HK3: variants seen among roughly 807,000 people sequenced by gnomAD.
HK3 encodes hexokinase-3.
HK3 carries 93 observed loss-of-function variants against 91.0 expected under a neutral mutation model. That is an observed-to-expected ratio of 1.02 (90% CI 0.86 to 1.21). The LOEUF (loss-of-function observed/expected upper bound fraction) is 1.21. Ranked by LOEUF, HK3 falls within the 50% of genes most tolerant of loss-of-function variation. HK3 has a pLI of 0.00. For synonymous variants in HK3, 519 were observed against 516.9 expected (o/e 1.00, Z -0.06); for missense variants, 1,235 against 1,247.4 (o/e 0.99, Z 0.15).
chr5:176,894,345 C>T (rs1012535681), intron 2 of HK3, among the ~76,000 whole-genome samples: 1 of 152,140 alleles, frequency 6.6e-6, no homozygotes, highest in African/African-American at 2.4e-5. Context: ...GGTCCAGGAC[C>T]ATGGGAAATT....
At chr5:176,890,502 G>T in intron 6 of HK3, 133 bp downstream of exon 6, 1 of 761,698 alleles carries the variant, frequency 1.3e-6, no homozygotes, top group Non-Finnish European at 2.3e-6. Context: ...AGGTTAAACT[G>T]GATGGAGGTT....
chr5:176,889,734 AT>A lies in HK3; in HGVS notation c.640del (p.Ile214SerfsTer7). ...DAIRRQGAYNIDVVAVVNDTV... is the reference protein window; with the variant it reads ...DAIRRQGAYNXDVVAVVNDTV... Reference sequence around the variant, plus strand: ...GTCGTTCACCACAGCAACCACGTCGATGTTGTAGGCCTAGATGATGAAGAGG... The same window carrying A: ...GTCGTTCACCACAGCAACCACGTCGAGTTGTAGGCCTAGATGATGAAGAGG... On this transcript the variant is annotated frameshift_variant, in exon 7 of 19. Coordinates refer to ENST00000292432, the MANE Select transcript of HK3 (RefSeq NM_002115.3). LOFTEE classifies it high-confidence loss of function. The A allele has an allele frequency of 6.2e-7, 1 of 1,613,868 alleles. No homozygotes were observed. Among genetic ancestry groups the A allele is most frequent in the Non-Finnish European group, 8.5e-7 (1 of 1,179,926 alleles).
chr5:176,889,380 C>T lies in HK3; in HGVS notation c.914+1G>A. ...AAGGTCAGGGCCCCCTGCCAGGTCA[C>T]CTCTGAGCACCAGGATTCAGGGACT... On this transcript the variant is annotated splice_donor_variant, in intron 8 of 18. Transcript: ENST00000292432. LOFTEE classifies it high-confidence loss of function. 2 of 1,613,532 alleles carry T rather than the reference C, an allele frequency of 1.2e-6. No individual in the cohort carries two copies. The highest frequency in any genetic ancestry group is 1.7e-6 in the Non-Finnish European group (2 of 1,179,668).
chr5:176,881,286 G>T lies in HK3; in HGVS notation c.2627+16C>A. The T allele has an allele frequency of 1.2e-6, 2 of 1,613,288 alleles. No homozygotes were observed. The highest frequency in any genetic ancestry group is 8.5e-7 in the Non-Finnish European group (1 of 1,179,734). ...CTGGCCACACCTCCCTCCCCAGCCC[G>T]CACACCCAGACTCACCGCGGGTGCA... On this transcript the variant is annotated intron_variant, in intron 18 of 18. Transcript: ENST00000292432.
chr5:176,893,694 G>A lies in HK3; in HGVS notation c.97-2144C>T, dbSNP rs566651386. On this transcript the variant is annotated intron_variant, in intron 2 of 18. Coordinates refer to ENST00000292432, the MANE Select transcript of HK3 (RefSeq NM_002115.3). Reference sequence around the variant, plus strand: ...AGAGTCACGGAGAAGTCAATGGCTTGGGCAAATTGTTTTTCTTCCTTTTCC... The same window carrying A: ...AGAGTCACGGAGAAGTCAATGGCTTAGGCAAATTGTTTTTCTTCCTTTTCC... 1.1e-4 allele frequency among the ~76,000 whole-genome samples: 17 copies of A among 152,268 alleles called. No individual in the cohort carries two copies. In the South Asian group the frequency reaches 3.3e-3, roughly 30 times the overall value.
chr5:176,892,949 G>C (rs947682619), intron 2 of HK3, among the ~76,000 whole-genome samples: 56 of 152,208 alleles, frequency 3.7e-4, no homozygotes, highest in African/African-American at 1.3e-3. Context: ...CCTGCTAGGG[G>C]TGCCCATGCC....
At position 176,887,586 on chromosome 5, in the gene HK3, G is replaced by A. The variant is rs775508008; in HGVS notation, c.1465C>T (p.Pro489Ser). The A allele has an allele frequency of 2.2e-5, 36 of 1,613,754 alleles. No homozygotes were observed. Among genetic ancestry groups the A allele is most frequent in the Non-Finnish European group, 2.8e-5 (33 of 1,180,014 alleles). The change falls in exon 11 of 19, where the codon CCA becomes TCA. Residue 489 changes from proline (P) to serine (S), a missense_variant. By Grantham distance (74) the Pro-to-Ser change is moderately conservative. Coordinates refer to ENST00000292432, the MANE Select transcript of HK3 (RefSeq NM_002115.3). The surrounding 1 kb of genome is among the most constrained non-coding windows in gnomAD (Gnocchi z 4.9). ...AGTTGATCATGGTTCAACCGGAATG[G>A]GGCCAGGGTCTCCTCCAGCAGGCGC... Reference protein sequence around the residue: ...HRRLLEETLAPFRLNHDQLAA... With the variant: ...HRRLLEETLASFRLNHDQLAA...
chr5:176,887,819 C>T lies in HK3; in HGVS notation c.1305-73G>A. On this transcript the variant is annotated intron_variant, in intron 10 of 18. Coordinates refer to ENST00000292432, the MANE Select transcript of HK3 (RefSeq NM_002115.3). The surrounding 1 kb of genome is among the most constrained non-coding windows in gnomAD (Gnocchi z 4.9). ...ACACACAGGTGTGCACGGCTTGGCC[C>T]TGGACCCCCAGATACATACAGGTGT... The T allele has an allele frequency of 6.7e-7, 1 of 1,503,002 alleles. No individual in the cohort carries two copies. The highest frequency in any genetic ancestry group is 9.0e-7 in the Non-Finnish European group (1 of 1,109,826). 93.1% of individuals were successfully genotyped at this position (1,503,002 alleles called of 1,614,324 possible).
chr5:176,882,485 C>T lies in HK3; in HGVS notation c.2054-358G>A, dbSNP rs187395019. Among the ~76,000 whole-genome samples, 512 of 152,350 alleles carry T rather than the reference C, an allele frequency of 3.4e-3. 3 individuals carry two copies. The highest frequency in any genetic ancestry group is 0.021 in the South Asian group (103 of 4,832). On this transcript the variant is annotated intron_variant, in intron 15 of 18. Coordinates refer to ENST00000292432, the MANE Select transcript of HK3 (RefSeq NM_002115.3). ...GTTGAGAGGCCGAAGCTCCCTGGACCGGCCTGCCAGGCCCTTAATCCAACT... is the reference window on the plus strand; with the variant it reads ...GTTGAGAGGCCGAAGCTCCCTGGACTGGCCTGCCAGGCCCTTAATCCAACT...
Position 176,895,808 on chromosome 5 carries a change from C to A in HK3, c.96+256G>T, listed in dbSNP as rs537764740. Among the ~76,000 whole-genome samples, 684 of 152,332 alleles carry A rather than the reference C, an allele frequency of 4.5e-3. 3 individuals are homozygous for A. Among genetic ancestry groups the A allele is most frequent in the African/African-American group, 0.016 (658 of 41,570 alleles). On this transcript the variant is annotated intron_variant, in intron 2 of 18. Coordinates refer to ENST00000292432, the MANE Select transcript of HK3 (RefSeq NM_002115.3). The stretch of plus-strand genomic sequence containing the variant: ...AAATGACATGTTTGGAGCTGAAACA[C>A]CTCAGCTCAAGCTCCTGTCATGTCT...
chr5:176,887,111 T>C lies in HK3; in HGVS notation c.1748A>G (p.His583Arg). 4 of 1,614,218 alleles carry C rather than the reference T, an allele frequency of 2.5e-6. No individual in the cohort carries two copies. The highest frequency in any genetic ancestry group is 3.4e-6 in the Non-Finnish European group (4 of 1,180,034). Residue 583 changes from histidine to arginine, a missense_variant, in exon 13 of 19, where the codon CAC becomes CGC. Physicochemically the swap from His to Arg is conservative, Grantham distance 29. This residue lies in a region of HK3 where 513 missense variants were observed against 477.4 expected (regional missense o/e 1.07). Transcript: ENST00000292432. This position sits in a 1 kb window ranked among gnomAD's most constrained non-coding sequence, Gnocchi z 4.9. ...GAAGTCCACGATGCAGTCCACGATG[T>C]GGTCAAAGAGCTGTGGGGCAGGACA... ...AQGSGQQLFD[H>R]IVDCIVDFQQ...
Position 176,890,851 on chromosome 5 carries a change from A to G in HK3, c.505T>C (p.Phe169Leu), listed in dbSNP as rs1291142206. The G allele has an allele frequency of 3.1e-6, 5 of 1,614,026 alleles. No individual in the cohort carries two copies. The East Asian group carries it at 8.9e-5, about 29-fold the overall frequency. The change falls in exon 5 of 19, where the codon TTC becomes CTC. Residue 169 changes from phenylalanine to leucine, a missense_variant. This residue lies in a region of HK3 where 717 missense variants were observed against 751.6 expected (regional missense o/e 0.95). Transcript: ENST00000292432. ...QGLQLGFSFS[F>L]PCHQTGLDRS... ...TCCAAGCCCGTCTGGTGACAAGGGA[A>G]AGAGAAGCTGAAGCCAAGCTGCAGA...
intron 2 of HK3, among the ~76,000 whole-genome samples, chr5:176,891,766 C>T (rs1379060564): frequency 6.6e-6 from 1 of 152,194 alleles, no homozygotes; most frequent in East Asian, 1.9e-4. Context: ...GCCCCATTAC[C>T]TCACGGCTCC....
rs1015745893 is a variant in HK3, at chr5:176,883,786, C to A, written c.2037G>T (p.Glu679Asp). The part of the protein sequence containing the change: ...MSCGYEDPRC[E>D]IGLIVGTGTN... ...CCTCCTCACCGACAATGAGGCCTAT[C>A]TCGCAACGGGGGTCCTCATAGCCAC... The change falls in exon 15 of 19, where the codon GAG (glutamate) becomes GAT (aspartate). Residue 679 changes from glutamate to aspartate, a missense_variant. Physicochemically the swap from Glu to Asp is conservative, Grantham distance 45. Transcript: ENST00000292432. The A allele has an allele frequency of 6.2e-7, 1 of 1,613,850 alleles. No homozygotes were observed. Among genetic ancestry groups the A allele is most frequent in the African/African-American group, 1.3e-5 (1 of 74,938 alleles).
chr5:176,883,843 A>T lies in HK3; in HGVS notation c.1980T>A (p.Ile660=), dbSNP rs752602164. 4 of 1,613,952 alleles carry T rather than the reference A, an allele frequency of 2.5e-6. No homozygotes were observed. In the Admixed American group the frequency reaches 6.7e-5, roughly 27 times the overall value. ...TCATGGTCCCCACCGTGTCATTGAC[A>T]ATGGCAACCACATTCAGCTCCACTG... is the stretch of plus-strand genomic sequence containing the variant. ...RQAVELNVVA[I]VNDTVGTMMS... Residue 660 remains isoleucine, a synonymous_variant, in exon 15 of 19, where the codon ATT becomes ATA. Transcript: ENST00000292432.
chr5:176,897,474 T>C (rs1184849481), intron 1 of HK3, among the ~76,000 whole-genome samples: 1 of 152,052 alleles, frequency 6.6e-6, no homozygotes, highest in African/African-American at 2.4e-5. Context: ...ATATAGTACC[T>C]TCCCACCCCT....
In HK3 at chr5:176,884,836, T is replaced by C. The variant is rs1488436678; in HGVS notation, c.1858-702A>G. 6.6e-6 allele frequency among the ~76,000 whole-genome samples: 1 copy of C among 152,240 alleles called. No individual in the cohort carries two copies. Among genetic ancestry groups the C allele is most frequent in the Non-Finnish European group, 1.5e-5 (1 of 68,052 alleles). ...TCTACAGCTGTTGGGAGAAAATTACTGCTTTGCTCAGAGGAGGAGCATGGA... is the reference window on the plus strand; with the variant it reads ...TCTACAGCTGTTGGGAGAAAATTACCGCTTTGCTCAGAGGAGGAGCATGGA... On this transcript the variant is annotated intron_variant, in intron 13 of 18. Transcript: ENST00000292432. This position sits in a 1 kb window ranked among gnomAD's most constrained non-coding sequence, Gnocchi z 4.1.
chr5:176,888,708 C>T lies in HK3; in HGVS notation c.1070+1G>A, dbSNP rs1432882647. 1 of 1,614,130 alleles carries T rather than the reference C, an allele frequency of 6.2e-7. No individual in the cohort carries two copies. On this transcript the variant is annotated splice_donor_variant, in intron 9 of 18. Transcript: ENST00000292432. LOFTEE classifies it high-confidence loss of function. The stretch of plus-strand genomic sequence containing the variant: ...ACTAAACCACCATCTCCCCGACTCA[C>T]TCCTCCATCTCAGCCACGTGTTCCA...
intron 17 of HK3, 76 bp from the exon 18 acceptor site, chr5:176,881,611 G>A (rs1052310284): frequency 2.6e-5 from 41 of 1,591,406 alleles, no homozygotes; most frequent in Admixed American, 1.0e-4. Context: ...AGCAGACCTC[G>A]TCACCACCCA....
Sources: allele counts gnomAD v4.1 joint callset (sites outside exome capture counted in the v4.1 genomes callset), GRCh38; gene constraint gnomAD v4.1.1; regional missense constraint gnomAD v4.1.1; non-coding constraint Gnocchi (gnomAD v3.1); transcripts MANE v1.5; gene names NCBI Gene and HGNC (gene_info 2026-07-23, HGNC 2026-07-21).